Variants in SND1 observed in about 807,000 individuals in gnomAD.
SND1 encodes the protein staphylococcal nuclease domain-containing protein 1.
In SND1, 38 loss-of-function variants were observed where a neutral mutation model predicts 121.7. The observed-to-expected ratio is 0.31, with a 90% CI of 0.24 to 0.41. The LOEUF (loss-of-function observed/expected upper bound fraction) is 0.41. Among genes scored for constraint, SND1 ranks in the 10% least tolerant of loss-of-function variants. The probability of loss-of-function intolerance (pLI) is 1.00; values close to 1 mark genes in which losing one functional copy is unlikely to be tolerated. For synonymous variants in SND1, 401 were observed against 447.4 expected (o/e 0.90, Z 1.31); for missense variants, 868 against 1,184.6 (o/e 0.73, Z 3.92).
At chr7:127,981,829 C>T (rs1802269539) in intron 15 of SND1, among the ~76,000 whole-genome samples, 1 of 152,166 alleles carries the variant, frequency 6.6e-6, no homozygotes, top group Non-Finnish European at 1.5e-5. Flanking sequence ...AGCATTTAAC[C>T]ACACACTCAC....
intron 15 of SND1, among the ~76,000 whole-genome samples, chr7:127,986,172 T>C (rs569691000): frequency 6.6e-6 from 1 of 152,366 alleles, no homozygotes; most frequent in African/African-American, 2.4e-5. Flanking sequence ...TAGCCATCAA[T>C]AGAATCTCTT....
intron 15 of SND1, among the ~76,000 whole-genome samples, chr7:127,933,933 C>T (rs1468139876): frequency 6.6e-6 from 1 of 152,158 alleles, no homozygotes; most frequent in Non-Finnish European, 1.5e-5. Context: ...GTCCTAAAAC[C>T]CCATCCCAAA....
At chr7:127,680,902 AAG>A (rs1587591292) in intron 1 of SND1, among the ~76,000 whole-genome samples, 1 of 152,092 alleles carries the variant, frequency 6.6e-6, no homozygotes, top group African/African-American at 2.4e-5. Flanking sequence ...AGACAGGCAT[AAG>A]AAATTATAAA....
intron 16 of SND1, among the ~76,000 whole-genome samples, chr7:128,016,280 A>C (rs1803222988): frequency 6.6e-6 from 1 of 151,878 alleles, no homozygotes; most frequent in Non-Finnish European, 1.5e-5. Flanking sequence ...ACCCTGCCCA[A>C]CAAACCTTTT....
At chr7:128,031,582 C>G (rs896161735) in intron 16 of SND1, 1 of 149,814 alleles carries the variant, frequency 6.7e-6, no homozygotes, top group Non-Finnish European at 1.5e-5. Context: ...CGCCGGCTGC[C>G]GGCACGCGGG....
rs763289898 is a variant in SND1, at chr7:128,085,832, C to G, written c.2304+52C>G. The G allele has an allele frequency of 5.5e-6, 8 of 1,451,286 alleles. No homozygotes were observed. In the South Asian group the frequency reaches 9.1e-5, roughly 17 times the overall value. The allele number at this position is 1,451,286 out of a possible 1,614,324, so 89.9% of individuals were successfully genotyped here. ...AGGGGCTATCAAACACAGCAGCCCC[C>G]GAGTCAAATCCATCTGATCTCTCCA... On this transcript the variant is annotated intron_variant, in intron 20 of 23. Transcript: ENST00000354725. This position sits in a 1 kb window ranked among gnomAD's most constrained non-coding sequence, Gnocchi z 4.4.
At chr7:127,697,703 T>C (rs1486979702) in intron 3 of SND1, among the ~76,000 whole-genome samples, 3 of 152,200 alleles carry the variant, frequency 2.0e-5, no homozygotes, top group Non-Finnish European at 2.9e-5. Flanking sequence ...GTTCAACTTT[T>C]CTTGGTAGGA....
chr7:128,071,555 G>C (rs567060322), intron 16 of SND1, among the ~76,000 whole-genome samples: 2 of 152,308 alleles, frequency 1.3e-5, no homozygotes, highest in African/African-American at 4.8e-5. Flanking sequence ...TAACTTCCTG[G>C]CAGTCAATGT....
rs564674454 is a variant in SND1, at chr7:128,067,555, G to T, written c.1780-6947G>T. Among the ~76,000 whole-genome samples, 14 of 152,164 alleles carry T rather than the reference G, an allele frequency of 9.2e-5. No individual in the cohort carries two copies. The South Asian group carries it at 2.9e-3, about 32-fold the overall frequency. ...CTCAGGGCAGTGGCGCCCTGTGCTGGGCTCTTTTCTACTTGGGACCTGCCT... is the reference window on the plus strand; with the variant it reads ...CTCAGGGCAGTGGCGCCCTGTGCTGTGCTCTTTTCTACTTGGGACCTGCCT... On this transcript the variant is annotated intron_variant, in intron 16 of 23. Coordinates refer to ENST00000354725, the MANE Select transcript of SND1 (RefSeq NM_014390.4).
chr7:128,032,147 T>TGCA (rs1792636186), intron 16 of SND1: 1 of 151,828 alleles, frequency 6.6e-6, no homozygotes, highest in South Asian at 2.1e-4. Flanking sequence ...ATTAGCGTGA[T>TGCA]GCAGTGCTCT....
At chr7:128,073,455 G>A (rs141872279) in intron 16 of SND1, among the ~76,000 whole-genome samples, 577 of 152,200 alleles carry the variant, frequency 3.8e-3, no homozygotes, top group Non-Finnish European at 6.6e-3. Flanking sequence ...TTTCCTCCCC[G>A]CTACCTTCTC....
At position 127,657,140 on chromosome 7, in the gene SND1, T is replaced by C. The variant is rs571738829; in HGVS notation, c.78+4689T>C. ...ACTTCCTTTCTTTCTTGAACAAATA[T>C]TTATTGATCATCTGCTATCTGTCAA... On this transcript the variant is annotated intron_variant, in intron 1 of 23. Transcript: ENST00000354725. Among the ~76,000 whole-genome samples, 541 of 152,344 alleles carry C rather than the reference T, an allele frequency of 3.6e-3. 3 individuals carry two copies. Among genetic ancestry groups the C allele is most frequent in the Admixed American group, 8.7e-3 (133 of 15,302 alleles).
At chr7:127,732,804 A>G (rs915214547) in intron 10 of SND1, among the ~76,000 whole-genome samples, 1 of 152,226 alleles carries the variant, frequency 6.6e-6, no homozygotes. Context: ...TGTAGTTTGT[A>G]GGTATTGATT....
intron 11 of SND1, among the ~76,000 whole-genome samples, chr7:127,809,775 T>C (rs923626574): frequency 3.3e-5 from 5 of 152,220 alleles, no homozygotes; most frequent in African/African-American, 1.2e-4. Context: ...GTTGCTAGAA[T>C]GCAGAGAAAT....
At chr7:128,021,246 T>C (rs1463164936) in intron 16 of SND1, among the ~76,000 whole-genome samples, 5 of 152,246 alleles carry the variant, frequency 3.3e-5, no homozygotes, top group African/African-American at 1.2e-4. Flanking sequence ...TTATAACTTA[T>C]AACCACTGTG....
intron 10 of SND1, among the ~76,000 whole-genome samples, chr7:127,784,312 C>T (rs995170808): frequency 1.6e-4 from 24 of 152,182 alleles, no homozygotes; most frequent in African/African-American, 4.8e-4. Context: ...GCAAACAAAG[C>T]GAGGCCCTTG....
At chr7:128,007,056 G>A (rs187710680) in intron 16 of SND1, among the ~76,000 whole-genome samples, 13 of 152,336 alleles carry the variant, frequency 8.5e-5, no homozygotes, top group Admixed American at 2.6e-4. Flanking sequence ...TGCTGTGTCA[G>A]GTAGCTCTGC....
chr7:127,772,088 G>T (rs929996102), intron 10 of SND1, among the ~76,000 whole-genome samples: 4 of 152,276 alleles, frequency 2.6e-5, no homozygotes, highest in Admixed American at 2.6e-4. Flanking sequence ...TGTAATCAAT[G>T]CAGAGGGGCA....
intron 13 of SND1, among the ~76,000 whole-genome samples, chr7:127,893,633 T>C (rs1800057650): frequency 6.6e-6 from 1 of 152,114 alleles, no homozygotes; most frequent in East Asian, 1.9e-4. Flanking sequence ...TGAATTTAGA[T>C]TCAGTCTGGT....
Sources: gnomAD v4.1 joint callset for allele counts (sites outside exome capture counted in the v4.1 genomes callset) on GRCh38, gnomAD v4.1.1 for gene constraint, Gnocchi (gnomAD v3.1) non-coding constraint, MANE v1.5 for transcripts, NCBI Gene and HGNC (gene_info 2026-07-23, HGNC 2026-07-21) for gene names.